Variants in USP32 observed in about 807,000 individuals in gnomAD.
The protein encoded by USP32 is ubiquitin specific peptidase 32.
Under a neutral mutation model 204.8 loss-of-function variants are expected in USP32, and 59 were observed. That is an observed-to-expected ratio of 0.29 (90% CI 0.23 to 0.36). The LOEUF (loss-of-function observed/expected upper bound fraction) is 0.36, where lower values mean the gene tolerates loss of function less well. Ranked by LOEUF, USP32 falls within the 10% of genes least tolerant of loss-of-function variation. The probability of loss-of-function intolerance (pLI) is 1.00; values close to 1 mark genes in which losing one functional copy is unlikely to be tolerated. For synonymous variants in USP32, 517 were observed against 678.4 expected (o/e 0.76, Z 3.70); for missense variants, 1,160 against 1,946.4 (o/e 0.60, Z 7.60).
chr17:60,262,989 C>T (rs2086491310), intron 9 of USP32, among the ~76,000 whole-genome samples: 1 of 151,820 alleles, frequency 6.6e-6, no homozygotes, highest in South Asian at 2.1e-4. Flanking sequence ...CATTCTGTTG[C>T]TCAGCCTGTA....
chr17:60,291,461 G>C (rs1412001060), intron 4 of USP32, among the ~76,000 whole-genome samples: 1 of 151,944 alleles, frequency 6.6e-6, no homozygotes, highest in African/African-American at 2.4e-5. Context: ...GATAGAAAAA[G>C]CTGAGACCCA....
In USP32 at chr17:60,178,045, G is replaced by T. The variant is rs2084010254; in HGVS notation, c.*1210C>A. Among the ~76,000 whole-genome samples, 1 of 151,922 alleles carries T rather than the reference G, an allele frequency of 6.6e-6. No individual in the cohort carries two copies. The highest frequency in any genetic ancestry group is 1.5e-5 in the Non-Finnish European group (1 of 67,980). Reference sequence around the variant, plus strand: ...TAGAGAAAAAAATGAAGTAAGCAAAGAAACATAACTTTCGATGACTACTGT... The same window carrying T: ...TAGAGAAAAAAATGAAGTAAGCAAATAAACATAACTTTCGATGACTACTGT... On this transcript the variant is annotated 3_prime_UTR_variant, in exon 34 of 34. Transcript: ENST00000300896.
intron 1 of USP32, among the ~76,000 whole-genome samples, chr17:60,365,591 C>G (rs1365389278): frequency 1.3e-5 from 2 of 150,218 alleles, no homozygotes; most frequent in African/African-American, 5.0e-5. Context: ...TCCCTGTAAG[C>G]ATTCACTCAG....
chr17:60,396,428 G>A (rs554498669), upstream of USP32, among the ~76,000 whole-genome samples: 29 of 152,206 alleles, frequency 1.9e-4, no homozygotes, highest in Middle Eastern at 6.8e-3. Flanking sequence ...CAGTACACAA[G>A]TATATAATGT....
chr17:60,397,378 T>G (rs1477584735), intron 1 of USP32, among the ~76,000 whole-genome samples: 2 of 152,172 alleles, frequency 1.3e-5, no homozygotes, highest in Non-Finnish European at 2.9e-5. Flanking sequence ...TGTTGTTGTT[T>G]AAGACACAGC....
chr17:60,310,133 T>C (rs1444467873), intron 2 of USP32, among the ~76,000 whole-genome samples: 1 of 152,202 alleles, frequency 6.6e-6, no homozygotes, highest in African/African-American at 2.4e-5. Flanking sequence ...TGTACACCAT[T>C]TGCAGGAATG....
chr17:60,407,099 G>A (rs1009946448), intron 1 of USP32, among the ~76,000 whole-genome samples: 1 of 152,118 alleles, frequency 6.6e-6, no homozygotes, highest in Non-Finnish European at 1.5e-5. Flanking sequence ...CTAGCTTTTT[G>A]CCTAGGGGTG....
chr17:60,240,493 G>GGAGAGA (rs60249054), intron 11 of USP32, among the ~76,000 whole-genome samples: 4 of 146,354 alleles, frequency 2.7e-5, no homozygotes, highest in African/African-American at 7.9e-5. Flanking sequence ...GAGAAAAAAG[G>GGAGAGA]GAGAGAGAGA....
chr17:60,312,721 A>G (rs947861889), intron 2 of USP32, among the ~76,000 whole-genome samples: 9 of 152,200 alleles, frequency 5.9e-5, no homozygotes, highest in African/African-American at 2.2e-4. Context: ...AAGGCAAAAA[A>G]TATATACCTT....
intron 2 of USP32, among the ~76,000 whole-genome samples, chr17:60,303,516 AAG>A (rs2087639895): frequency 6.6e-6 from 1 of 151,854 alleles, no homozygotes; most frequent in Non-Finnish European, 1.5e-5. Context: ...ACCTCTAAGA[AAG>A]AGCCCTAACC....
At chr17:60,334,986 G>T (rs2145976255) in intron 2 of USP32, among the ~76,000 whole-genome samples, 2 of 142,482 alleles carry the variant, frequency 1.4e-5, no homozygotes, top group South Asian at 4.3e-4. Flanking sequence ...AGTTGCTGAT[G>T]TTTCTTGTTA....
At chr17:60,373,869 T>C (rs1239493572) in intron 1 of USP32, among the ~76,000 whole-genome samples, 1 of 152,186 alleles carries the variant, frequency 6.6e-6, no homozygotes, top group East Asian at 1.9e-4. Context: ...TATATCTTTA[T>C]TTAAAAAGTT....
rs367598033 is a variant in USP32 at position 60,255,305 on chromosome 17, T to TTC, written c.991-48_991-47insGA. ...TAGGAACATCTTTTTTTTCTTTTTT[T>TTC]TTTTTTTTTTGAGACGGAGTCTCAT... On this transcript the variant is annotated intron_variant, in intron 9 of 33. Coordinates refer to ENST00000300896, the MANE Select transcript of USP32 (RefSeq NM_032582.4). 1.6e-3 allele frequency: 2,458 copies of TTC among 1,502,622 alleles called. 48 individuals are homozygous for TTC. In the African/African-American group the frequency reaches 0.032, roughly 19 times the overall value. The allele number at this position is 1,502,622 out of a possible 1,614,324, so 93.1% of individuals were successfully genotyped here. A position where few individuals can be genotyped will look rare whatever the true frequency, so the allele number is the denominator to read the frequency against.
rs1270982569 is a variant in USP32 at position 60,178,382 on chromosome 17, T to G, written c.*873A>C. ...AGAAGCTCTTGTTGCAACAGGTGCA[T>G]GTGAAGATGGTGCAAATATTGGCAA... On this transcript the variant is annotated 3_prime_UTR_variant, in exon 34 of 34. Transcript: ENST00000300896. Among the ~76,000 whole-genome samples, 1 of 152,214 alleles carries G rather than the reference T, an allele frequency of 6.6e-6. No homozygotes were observed. Among genetic ancestry groups the G allele is most frequent in the Non-Finnish European group, 1.5e-5 (1 of 68,046 alleles).
intron 7 of USP32, among the ~76,000 whole-genome samples, chr17:60,267,554 G>A (rs938763749): frequency 7.3e-5 from 11 of 149,736 alleles, no homozygotes; most frequent in African/African-American, 2.7e-4. Context: ...TTGAGATGGC[G>A]TCTCGCTCTG....
intron 1 of USP32, among the ~76,000 whole-genome samples, chr17:60,386,285 A>C (rs1175580266): frequency 6.6e-6 from 1 of 151,872 alleles, no homozygotes; most frequent in Non-Finnish European, 1.5e-5. Flanking sequence ...TGCTTCCCGG[A>C]TACAGTATAA....
At chr17:60,266,207 C>T (rs906266006) in intron 7 of USP32, 116 bp from the exon 8 acceptor site, 2 of 706,278 alleles carry the variant, frequency 2.8e-6, no homozygotes, top group South Asian at 3.5e-5. Flanking sequence ...TATATGTATT[C>T]TGGAACAGTT....
At chr17:60,199,648 G>A (rs1235489625) in intron 26 of USP32, among the ~76,000 whole-genome samples, 3 of 152,114 alleles carry the variant, frequency 2.0e-5, no homozygotes, top group African/African-American at 7.2e-5. Flanking sequence ...AGATTATTAA[G>A]CATTTTATTT....
intron 2 of USP32, among the ~76,000 whole-genome samples, chr17:60,328,380 T>C (rs1325322328): frequency 6.6e-6 from 1 of 152,238 alleles, no homozygotes; most frequent in East Asian, 1.9e-4. Flanking sequence ...GATGACCAGC[T>C]GAAGAGAAAA....
Sources: gnomAD v4.1 joint callset for allele counts (sites outside exome capture counted in the v4.1 genomes callset) on GRCh38, gnomAD v4.1.1 for gene constraint, MANE v1.5 for transcripts, NCBI Gene and HGNC (gene_info 2026-07-23, HGNC 2026-07-21) for gene names.